The following NAALADL2 variants were observed in gnomAD, a reference collection of about 807,000 sequenced individuals.
NAALADL2 encodes the protein N-acetylated alpha-linked acidic dipeptidase like 2.
A neutral mutation model predicts 87.2 loss-of-function variants in NAALADL2; 76 were observed. That is an observed-to-expected ratio of 0.87 (90% CI 0.72 to 1.05). The LOEUF is 1.05. NAALADL2 is among the 50% of genes least tolerant of loss of function. The probability of loss-of-function intolerance (pLI) is 0.00; values close to 1 mark genes in which losing one functional copy is unlikely to be tolerated. For missense variants in NAALADL2, 1,089 were observed against 945.8 expected (o/e 1.15, Z -1.99); for synonymous variants, 354 against 331.0 (o/e 1.07, Z -0.75).
chr3:175,684,613 G>A (rs963988923), intron 11 of NAALADL2, among the ~76,000 whole-genome samples: 12 of 152,082 alleles, frequency 7.9e-5, no homozygotes, highest in Non-Finnish European at 1.5e-4. Flanking sequence ...GGACAACATA[G>A]TGAGACCCCA....
At chr3:175,264,290 C>A (rs1173241892) in intron 4 of NAALADL2, among the ~76,000 whole-genome samples, 2 of 151,628 alleles carry the variant, frequency 1.3e-5, no homozygotes, top group East Asian at 3.9e-4. Flanking sequence ...ACTCTCAATT[C>A]ATAAGGTTGT....
At chr3:175,474,637 C>G (rs62285247) in intron 9 of NAALADL2, among the ~76,000 whole-genome samples, 5 of 152,066 alleles carry the variant, frequency 3.3e-5, no homozygotes, top group Non-Finnish European at 7.4e-5. Context: ...CAATCACAAT[C>G]AAGATATACG....
At chr3:175,092,115 T>G (rs1329645747) in intron 1 of NAALADL2, among the ~76,000 whole-genome samples, 1 of 151,866 alleles carries the variant, frequency 6.6e-6, no homozygotes, top group East Asian at 1.9e-4. Flanking sequence ...TTAAATAATT[T>G]ATCTCATTTA....
intron 1 of NAALADL2, among the ~76,000 whole-genome samples, chr3:175,077,822 C>T (rs968872558): frequency 3.3e-5 from 5 of 151,766 alleles, no homozygotes; most frequent in Admixed American, 6.6e-5. Flanking sequence ...TGCATGTATA[C>T]GGAAAAAGAA....
chr3:175,134,810 T>C (rs1290486142), intron 2 of NAALADL2, among the ~76,000 whole-genome samples: 2 of 152,194 alleles, frequency 1.3e-5, no homozygotes, highest in Non-Finnish European at 2.9e-5. Context: ...AATACCTGTC[T>C]ACCTTCTTTG....
intron 4 of NAALADL2, among the ~76,000 whole-genome samples, chr3:175,284,280 C>T (rs1054171766): frequency 4.0e-5 from 6 of 150,866 alleles, no homozygotes; most frequent in Non-Finnish European, 5.9e-5. Context: ...CTTAGGCTGC[C>T]TTTCTTGGTC....
At chr3:175,645,568 A>G (rs1453973644) in intron 11 of NAALADL2, among the ~76,000 whole-genome samples, 1 of 151,988 alleles carries the variant, frequency 6.6e-6, no homozygotes, top group African/African-American at 2.4e-5. Context: ...AGAATTATCT[A>G]GTTACAGAGG....
intron 11 of NAALADL2, among the ~76,000 whole-genome samples, chr3:175,637,617 T>G (rs967419588): frequency 6.6e-6 from 1 of 152,186 alleles, no homozygotes; most frequent in African/African-American, 2.4e-5. Flanking sequence ...TCTCACCATG[T>G]GATCTCTGCA....
chr3:174,818,733 G>A lies in NAALADL2; in HGVS notation c.-9+80987G>A, dbSNP rs183027109. On this transcript the variant is annotated intron_variant, in intron 3 of 3. Coordinates refer to the NAALADL2 transcript ENST00000434257. ...AGATACAGAAATTCCCATTGATAGT[G>A]CACACTCAAGAGGAGGCCTTCGTCT... 1.5e-3 allele frequency among the ~76,000 whole-genome samples: 229 copies of A among 152,158 alleles called. 4 individuals are homozygous for A. In the East Asian group the frequency reaches 0.031, roughly 21 times the overall value.
intron 11 of NAALADL2, among the ~76,000 whole-genome samples, chr3:175,645,809 G>C (rs1729930892): frequency 6.6e-6 from 1 of 152,038 alleles, no homozygotes; most frequent in African/African-American, 2.4e-5. Flanking sequence ...CAGTGTGAAA[G>C]GGTTCTAAAA....
At chr3:174,616,251 T>G (rs1720449719) in intron 2 of NAALADL2, among the ~76,000 whole-genome samples, 1 of 151,816 alleles carries the variant, frequency 6.6e-6, no homozygotes. Flanking sequence ...TGCTTTTTAT[T>G]ATGGCATTTA....
intron 2 of NAALADL2, among the ~76,000 whole-genome samples, chr3:174,684,763 T>A (rs1578538777): frequency 6.6e-6 from 1 of 152,084 alleles, no homozygotes; most frequent in East Asian, 1.9e-4. Flanking sequence ...CTGATCAAAA[T>A]GATTACAAAA....
intron 2 of NAALADL2, among the ~76,000 whole-genome samples, chr3:175,128,291 G>A (rs1727274878): frequency 6.6e-6 from 1 of 152,054 alleles, no homozygotes; most frequent in Non-Finnish European, 1.5e-5. Context: ...TCTTTAGAAA[G>A]AAAAATGTAA....
intron 2 of NAALADL2, among the ~76,000 whole-genome samples, chr3:175,115,747 A>T (rs1560046077): frequency 6.6e-6 from 1 of 151,624 alleles, no homozygotes; most frequent in Non-Finnish European, 1.5e-5. Flanking sequence ...CAGATTTAAA[A>T]ATTTCATCAG....
chr3:175,686,180 G>T (rs1736269730), intron 11 of NAALADL2, among the ~76,000 whole-genome samples: 1 of 152,170 alleles, frequency 6.6e-6, no homozygotes, highest in Non-Finnish European at 1.5e-5. Context: ...ATAAGTAGTT[G>T]TGGAGATTAG....
intron 3 of NAALADL2, among the ~76,000 whole-genome samples, chr3:174,851,460 A>G (rs1465597459): frequency 6.6e-6 from 1 of 152,012 alleles, no homozygotes; most frequent in Non-Finnish European, 1.5e-5. Context: ...AATTCAAAAG[A>G]TTGTTTTGAG....
intron 2 of NAALADL2, among the ~76,000 whole-genome samples, chr3:174,639,773 A>G (rs967376539): frequency 1.3e-5 from 2 of 152,156 alleles, no homozygotes; most frequent in African/African-American, 4.8e-5. Context: ...CTTTTTATTA[A>G]TGTTTTATTG....
intron 1 of NAALADL2, among the ~76,000 whole-genome samples, chr3:174,882,604 CAT>C (rs549593572): frequency 2.2e-4 from 29 of 134,762 alleles, no homozygotes; most frequent in Admixed American, 7.0e-4. Flanking sequence ...TATACACATA[CAT>C]ATATGTGCAT....
rs901826411 is a variant in NAALADL2 at position 174,700,211 on chromosome 3, T to C, written c.-114-37430T>C. Among the ~76,000 whole-genome samples the C allele has an allele frequency of 1.6e-4, 23 of 146,762 alleles. No individual in the cohort carries two copies. The Admixed American group carries it at 1.6e-3, about 10-fold the overall frequency. On this transcript the variant is annotated intron_variant, in intron 2 of 3. Transcript: ENST00000434257. Reference sequence around the variant, plus strand: ...GGCTGAAAGTGGAAGTTCCATAGTTTGTAGATTTTTTGCCACAGTTTTTTT... The same window carrying C: ...GGCTGAAAGTGGAAGTTCCATAGTTCGTAGATTTTTTGCCACAGTTTTTTT...
Sources: allele counts gnomAD v4.1 joint callset (sites outside exome capture counted in the v4.1 genomes callset), GRCh38; gene constraint gnomAD v4.1.1; transcripts MANE v1.5; gene names NCBI Gene and HGNC (gene_info 2026-07-23, HGNC 2026-07-21).